Variants in MTRES1 observed in about 807,000 individuals in gnomAD.
MTRES1 encodes mitochondrial transcription rescue factor 1.
In MTRES1, 11 loss-of-function variants were observed where a neutral mutation model predicts 17.4. The observed-to-expected ratio is 0.63, with a 90% CI of 0.40 to 1.05. MTRES1 has a LOEUF of 1.05. MTRES1 is among the 50% of genes least tolerant of loss of function. The probability of loss-of-function intolerance (pLI) is 0.00; values close to 1 mark genes in which losing one functional copy is unlikely to be tolerated. For synonymous variants in MTRES1, 94 were observed against 99.6 expected (o/e 0.94, Z 0.34); for missense variants, 268 against 276.2 (o/e 0.97, Z 0.21).
In MTRES1 at chr6:107,034,468, A is replaced by AG. The variant is rs1554226745; in HGVS notation, c.-12-5281_-12-5280insG. Reference sequence around the variant, plus strand: ...GTGAGTTTTTATTCCAGAAAAAAAAAAGGAAAATAGATGTCAGGGTGTGGA... The same window carrying AG: ...GTGAGTTTTTATTCCAGAAAAAAAAAGAGGAAAATAGATGTCAGGGTGTGGA... On this transcript the variant is annotated intron_variant, in intron 1 of 3. Coordinates refer to ENST00000311381, the MANE Select transcript of MTRES1 (RefSeq NM_016487.5). 9.2e-5 allele frequency among the ~76,000 whole-genome samples: 14 copies of AG among 151,580 alleles called. No homozygotes were observed. In the South Asian group the frequency reaches 1.0e-3, roughly 11 times the overall value.
In MTRES1 at chr6:107,039,882, G is replaced by A. The variant is rs1554227410; in HGVS notation, c.122G>A (p.Arg41Gln). The A allele has an allele frequency of 6.2e-6, 10 of 1,614,054 alleles. No individual in the cohort carries two copies. Among genetic ancestry groups the A allele is most frequent in the Admixed American group, 1.7e-5 (1 of 59,992 alleles). The change falls in exon 2 of 4, where the codon CGA becomes CAA. Residue 41 changes from arginine to glutamine, a missense_variant. Physicochemically the swap from Arg to Gln is conservative, Grantham distance 43. Coordinates refer to ENST00000311381, the MANE Select transcript of MTRES1 (RefSeq NM_016487.5). ...TACAAACTCTGTACTTCCTGGAATC[G>A]ATACTTGTATTTTTCTAGTACCAAG... ...SSYKLCTSWN[R>Q]YLYFSSTKLR...
intron 1 of MTRES1, among the ~76,000 whole-genome samples, chr6:107,036,050 C>T (rs1773996504): frequency 6.6e-6 from 1 of 151,960 alleles, no homozygotes. Context: ...AGGGGGTATA[C>T]TCAACCTTTC....
chr6:107,034,153 C>A (rs1180117699), intron 1 of MTRES1, among the ~76,000 whole-genome samples: 1 of 152,154 alleles, frequency 6.6e-6, no homozygotes, highest in African/African-American at 2.4e-5. Flanking sequence ...TTTCCTAATG[C>A]AGGTAGCAGA....
In MTRES1 at chr6:107,049,615, G is replaced by A. The variant is rs573906981; in HGVS notation, c.544-1442G>A. ...TTTTTAGTAGAGACGGGGTTTCACC[G>A]TGTTAGCCAGGATGGTCTCGATCTC... On this transcript the variant is annotated intron_variant, in intron 3 of 3. Coordinates refer to ENST00000311381, the MANE Select transcript of MTRES1 (RefSeq NM_016487.5). Among the ~76,000 whole-genome samples the A allele has an allele frequency of 1.4e-4, 21 of 150,802 alleles. No homozygotes were observed. In the South Asian group the frequency reaches 2.3e-3, roughly 17 times the overall value.
At chr6:107,028,328 C>T (rs1196435581) in intron 1 of MTRES1, 57 bp downstream of exon 1, 1 of 152,434 alleles carries the variant, frequency 6.6e-6, no homozygotes. Flanking sequence ...CCCCCTGTCA[C>T]TTCGCCTCTC....
intron 3 of MTRES1, among the ~76,000 whole-genome samples, chr6:107,050,625 G>T (rs920833532): frequency 1.5e-5 from 2 of 136,500 alleles, no homozygotes; most frequent in East Asian, 4.6e-4. Flanking sequence ...CGCCCGGGCT[G>T]GCATGCAGTG....
intron 1 of MTRES1, among the ~76,000 whole-genome samples, chr6:107,031,528 C>T (rs1451949861): frequency 8.0e-5 from 12 of 150,656 alleles, no homozygotes; most frequent in Admixed American, 2.6e-4. Context: ...CTGCAGCCTC[C>T]GCCTCCCAGG....
At chr6:107,036,974 G>C (rs1304705824) in intron 1 of MTRES1, among the ~76,000 whole-genome samples, 2 of 152,094 alleles carry the variant, frequency 1.3e-5, no homozygotes, top group Admixed American at 6.6e-5. Flanking sequence ...TAGAGATAGA[G>C]TCTTACTGTT....
rs139673951 is a variant in MTRES1, at chr6:107,040,139, A to T, written c.379A>T (p.Thr127Ser). The T allele has an allele frequency of 1.1e-4, 175 of 1,613,646 alleles. No individual in the cohort carries two copies. The African/African-American group carries it at 2.0e-3, about 18-fold the overall frequency. The change falls in exon 2 of 4, where the codon ACT (threonine) becomes TCT (serine). Residue 127 changes from threonine (T) to serine (S), a missense_variant. Physicochemically the swap from Thr to Ser is moderately conservative, Grantham distance 58. Coordinates refer to ENST00000311381, the MANE Select transcript of MTRES1 (RefSeq NM_016487.5). ...EQEEELEDDPTVVKNYKDLEK... is the reference protein window; with the variant it reads ...EQEEELEDDPSVVKNYKDLEK... Reference sequence around the variant, plus strand: ...GGAAGAGGAGCTTGAGGATGATCCTACTGTAGTCAAAAACTATAAAGACCT... The same window carrying T: ...GGAAGAGGAGCTTGAGGATGATCCTTCTGTAGTCAAAAACTATAAAGACCT...
chr6:107,037,132 A>G (rs1046765706), intron 1 of MTRES1, among the ~76,000 whole-genome samples: 1 of 152,086 alleles, frequency 6.6e-6, no homozygotes, highest in Admixed American at 6.6e-5. Flanking sequence ...TGAAATATAC[A>G]GCCTGGGAAA....
chr6:107,038,583 G>A (rs559487721), intron 1 of MTRES1, among the ~76,000 whole-genome samples: 1 of 152,238 alleles, frequency 6.6e-6, no homozygotes, highest in Admixed American at 6.5e-5. Context: ...TAAAATGCAG[G>A]TCTGTCCAAT....
At chr6:107,035,729 A>C (rs947160806) in intron 1 of MTRES1, among the ~76,000 whole-genome samples, 20 of 151,882 alleles carry the variant, frequency 1.3e-4, no homozygotes, top group African/African-American at 4.6e-4. Flanking sequence ...GCTCACTGCA[A>C]CCTCAACCTC....
chr6:107,047,604 G>C (rs1227377291), intron 3 of MTRES1, among the ~76,000 whole-genome samples: 3 of 152,148 alleles, frequency 2.0e-5, no homozygotes, highest in South Asian at 4.1e-4. Context: ...TGAATTGTAG[G>C]CCGGGCACAG....
chr6:107,050,770 T>TTTC (rs1278739000), intron 3 of MTRES1, among the ~76,000 whole-genome samples: 2 of 152,136 alleles, frequency 1.3e-5, no homozygotes, highest in East Asian at 1.9e-4. Flanking sequence ...AGAGACGGGA[T>TTTC]TTCACCATGT....
chr6:107,042,847 G>A (rs1774265279), intron 2 of MTRES1, among the ~76,000 whole-genome samples: 1 of 152,188 alleles, frequency 6.6e-6, no homozygotes, highest in Non-Finnish European at 1.5e-5. Flanking sequence ...CCAGAATGGA[G>A]CTTGACATCT....
intron 1 of MTRES1, among the ~76,000 whole-genome samples, chr6:107,038,502 A>C (rs782379628): frequency 1.6e-4 from 25 of 152,262 alleles, no homozygotes; most frequent in Non-Finnish European, 2.1e-4. Flanking sequence ...TAGTTTGTGG[A>C]TCTCTAGACC....
intron 3 of MTRES1, among the ~76,000 whole-genome samples, chr6:107,049,408 CTTTTTT>C (rs782057719): frequency 1.0e-5 from 1 of 99,364 alleles, no homozygotes; most frequent in Non-Finnish European, 1.9e-5. Flanking sequence ...TATGGCCCTT[CTTTTTT>C]TTTTTTTTTT....
At chr6:107,046,112 G>A (rs1774381002) in intron 3 of MTRES1, among the ~76,000 whole-genome samples, 1 of 152,200 alleles carries the variant, frequency 6.6e-6, no homozygotes, top group African/African-American at 2.4e-5. Flanking sequence ...CTGGGACTGT[G>A]GCTGGCTGTC....
At chr6:107,028,868 C>T (rs1343814645) in intron 1 of MTRES1, 3 of 985,000 alleles carry the variant, frequency 3.0e-6, no homozygotes, top group African/African-American at 3.5e-5. Context: ...CCGTGATCAT[C>T]TCTCCACTCA....
Sources: gnomAD v4.1 joint callset for allele counts (sites outside exome capture counted in the v4.1 genomes callset) on GRCh38, gnomAD v4.1.1 for gene constraint, MANE v1.5 for transcripts, NCBI Gene and HGNC (gene_info 2026-07-23, HGNC 2026-07-21) for gene names.